The following RSRC1 variants were observed in gnomAD, a reference collection of about 807,000 sequenced individuals.
RSRC1 encodes the protein serine/Arginine-related protein 53.
In RSRC1, 39 loss-of-function variants were observed where a neutral mutation model predicts 49.1. That is an observed-to-expected ratio of 0.79 (90% CI 0.61 to 1.04). The LOEUF (loss-of-function observed/expected upper bound fraction) is 1.04. RSRC1 is among the 50% of genes least tolerant of loss of function. The pLI is 0.00. For missense variants in RSRC1, 388 were observed against 402.4 expected (o/e 0.96, Z 0.31); for synonymous variants, 143 against 130.8 (o/e 1.09, Z -0.63).
At chr3:158,216,984 T>G (rs1052620903) in intron 4 of RSRC1, among the ~76,000 whole-genome samples, 2 of 151,714 alleles carry the variant, frequency 1.3e-5, no homozygotes, top group African/African-American at 4.8e-5. Flanking sequence ...CTTGAATCCA[T>G]TTTCCAAGTC....
intron 4 of RSRC1, among the ~76,000 whole-genome samples, chr3:158,276,605 ATACTT>A (rs1559972643): frequency 6.6e-6 from 1 of 152,102 alleles, no homozygotes; most frequent in African/African-American, 2.4e-5. Flanking sequence ...TATTGGTCCT[ATACTT>A]TATTTATTTT....
chr3:158,118,309 G>A (rs899479841), intron 1 of RSRC1, among the ~76,000 whole-genome samples: 4 of 151,778 alleles, frequency 2.6e-5, no homozygotes, highest in South Asian at 4.2e-4. Flanking sequence ...GGAGTGCAGC[G>A]GTGCAGTCAT....
chr3:158,332,646 T>C (rs1428265772), intron 5 of RSRC1, among the ~76,000 whole-genome samples: 3 of 152,298 alleles, frequency 2.0e-5, no homozygotes, highest in African/African-American at 7.2e-5. Context: ...GATTTTTTCC[T>C]TTTGTCATAA....
At chr3:158,164,055 T>G (rs1277481447) in intron 3 of RSRC1, among the ~76,000 whole-genome samples, 1 of 152,186 alleles carries the variant, frequency 6.6e-6, no homozygotes, top group Non-Finnish European at 1.5e-5. Context: ...AAGTATATTT[T>G]AAAAGTCTAG....
chr3:158,137,780 A>T (rs1356042641), intron 3 of RSRC1, among the ~76,000 whole-genome samples: 1 of 151,124 alleles, frequency 6.6e-6, no homozygotes, highest in Non-Finnish European at 1.5e-5. Context: ...CAGCCTCCCG[A>T]GTAGCTGGGA....
At chr3:158,171,540 C>T (rs1236462668) in intron 3 of RSRC1, among the ~76,000 whole-genome samples, 1 of 151,954 alleles carries the variant, frequency 6.6e-6, no homozygotes, top group Admixed American at 6.6e-5. Flanking sequence ...AGAAATATAA[C>T]CTGTAAAAAA....
intron 4 of RSRC1, among the ~76,000 whole-genome samples, chr3:158,229,566 A>G (rs918321775): frequency 3.3e-5 from 5 of 150,678 alleles, no homozygotes; most frequent in East Asian, 1.9e-4. Flanking sequence ...AGAGCTGTCA[A>G]ATTTTAAGGA....
chr3:158,520,986 C>T (rs1711640486), intron 7 of RSRC1, among the ~76,000 whole-genome samples: 2 of 152,100 alleles, frequency 1.3e-5, no homozygotes, highest in Non-Finnish European at 2.9e-5. Context: ...ACAGATACTA[C>T]AAACTGGTAA....
chr3:158,234,253 G>A (rs1230366782), intron 4 of RSRC1, among the ~76,000 whole-genome samples: 1 of 152,104 alleles, frequency 6.6e-6, no homozygotes, highest in Non-Finnish European at 1.5e-5. Flanking sequence ...ATTATATTGT[G>A]GCTTGTTTGA....
chr3:158,522,592 T>C (rs1456610490), intron 7 of RSRC1, among the ~76,000 whole-genome samples: 1 of 152,180 alleles, frequency 6.6e-6, no homozygotes, highest in Non-Finnish European at 1.5e-5. Context: ...AGCGTCAAAA[T>C]GACGACCAAA....
intron 6 of RSRC1, among the ~76,000 whole-genome samples, chr3:158,453,214 C>T (rs1737140188): frequency 8.2e-6 from 1 of 122,088 alleles, no homozygotes; most frequent in Non-Finnish European, 1.5e-5. Flanking sequence ...CTCCTGTGCA[C>T]ACATTTTCAA....
At chr3:158,239,748 A>G (rs910307285) in intron 4 of RSRC1, among the ~76,000 whole-genome samples, 2 of 152,144 alleles carry the variant, frequency 1.3e-5, no homozygotes, top group African/African-American at 4.8e-5. Context: ...CCTTTTCATT[A>G]TAGGGTACTG....
chr3:158,160,248 A>G (rs116511055), intron 3 of RSRC1, among the ~76,000 whole-genome samples: 5,703 of 152,240 alleles, frequency 0.037, 362 homozygotes, highest in African/African-American at 0.13. Context: ...GAAATCTTCA[A>G]TGCCCCAAGC....
chr3:158,171,441 G>A (rs889629405), intron 3 of RSRC1, among the ~76,000 whole-genome samples: 9 of 152,150 alleles, frequency 5.9e-5, no homozygotes, highest in Admixed American at 4.6e-4. Context: ...ACTATTAGAT[G>A]ATGACTTTAA....
At position 158,135,684 on chromosome 3, in the gene RSRC1, T is replaced by A. The variant is rs189725331; in HGVS notation, c.320+11693T>A. Among the ~76,000 whole-genome samples, 597 of 152,178 alleles carry A rather than the reference T, an allele frequency of 3.9e-3. 3 individuals carry two copies. The highest frequency in any genetic ancestry group is 0.014 in the African/African-American group (563 of 41,502). ...TGCAAAATGCAAATCTGATAGGACC[T>A]CCTTTATTTCAGTGGTTTAGAATAA... On this transcript the variant is annotated intron_variant, in intron 3 of 9. Coordinates refer to ENST00000611884, the MANE Select transcript of RSRC1 (RefSeq NM_001271838.2).
chr3:158,285,119 C>T (rs1726439038), intron 4 of RSRC1, among the ~76,000 whole-genome samples: 1 of 152,130 alleles, frequency 6.6e-6, no homozygotes, highest in African/African-American at 2.4e-5. Context: ...TATGGCTAGC[C>T]AGTTTTCCCA....
At chr3:158,113,392 G>A (rs1241799503) in intron 1 of RSRC1, among the ~76,000 whole-genome samples, 1 of 139,284 alleles carries the variant, frequency 7.2e-6, no homozygotes, top group Non-Finnish European at 1.5e-5. Context: ...TTTTTGAGAC[G>A]GGAGTCTCAC....
At chr3:158,513,977 T>A (rs1173396831) in intron 7 of RSRC1, among the ~76,000 whole-genome samples, 1 of 152,190 alleles carries the variant, frequency 6.6e-6, no homozygotes, top group South Asian at 2.1e-4. Flanking sequence ...CCCTTTATCA[T>A]TTTTTATTGC....
chr3:158,391,767 A>T (rs1733311706), intron 6 of RSRC1, among the ~76,000 whole-genome samples: 1 of 152,078 alleles, frequency 6.6e-6, no homozygotes, highest in South Asian at 2.1e-4. Context: ...TGGTACGTTG[A>T]CTCAGTAAAA....
Sources: gnomAD v4.1 joint callset for allele counts (sites outside exome capture counted in the v4.1 genomes callset) on GRCh38, gnomAD v4.1.1 for gene constraint, MANE v1.5 for transcripts, NCBI Gene and HGNC (gene_info 2026-07-23, HGNC 2026-07-21) for gene names.